The following LAMA2 variants were observed in gnomAD, a reference collection of about 807,000 sequenced individuals.
LAMA2 encodes laminin subunit alpha 2.
In LAMA2, 269 loss-of-function variants were observed where a neutral mutation model predicts 364.8. That is an observed-to-expected ratio of 0.74 (90% CI 0.67 to 0.82). The LOEUF is 0.82. Ranked by LOEUF, LAMA2 falls within the 40% of genes least tolerant of loss-of-function variation. The pLI, the probability that LAMA2 is intolerant of heterozygous loss-of-function variation, is 0.00. For synonymous variants in LAMA2, 1,379 were observed against 1,370.6 expected, an observed-to-expected ratio of 1.01 and a Z score of -0.14; for missense variants, 3,807 against 3,873.2, an observed-to-expected ratio of 0.98 and a Z score of 0.45.
At chr6:128,891,135 T>G (rs116895729) in intron 1 of LAMA2, among the ~76,000 whole-genome samples, 3,645 of 152,188 alleles carry the variant, frequency 0.024, 56 homozygotes, top group Non-Finnish European at 0.032. Flanking sequence ...GGTATTAGAT[T>G]TTGTTTATCA....
chr6:129,115,874 G>A (rs551435298), intron 4 of LAMA2, among the ~76,000 whole-genome samples: 22 of 152,096 alleles, frequency 1.4e-4, no homozygotes, highest in Admixed American at 1.4e-3. Flanking sequence ...ATCCGACTAA[G>A]GTGCAGATGT....
At chr6:129,113,163 T>A (rs1325606528) in intron 4 of LAMA2, among the ~76,000 whole-genome samples, 1 of 152,076 alleles carries the variant, frequency 6.6e-6, no homozygotes, top group Non-Finnish European at 1.5e-5. Flanking sequence ...TTTCCAACAA[T>A]GTTTACATAA....
intron 49 of LAMA2, among the ~76,000 whole-genome samples, chr6:129,462,563 C>A (rs1208050110): frequency 6.6e-6 from 1 of 151,822 alleles, no homozygotes; most frequent in Non-Finnish European, 1.5e-5. Context: ...TGAAATAATC[C>A]TATATTTTTT....
At chr6:129,494,261 G>A (rs576724099) in intron 58 of LAMA2, among the ~76,000 whole-genome samples, 164 of 152,292 alleles carry the variant, frequency 1.1e-3, no homozygotes, top group African/African-American at 3.7e-3. Flanking sequence ...TAGTGTCCAC[G>A]ATGGAATTGG....
intron 32 of LAMA2, among the ~76,000 whole-genome samples, chr6:129,359,343 A>G (rs1194480124): frequency 6.6e-6 from 1 of 150,388 alleles, no homozygotes; most frequent in East Asian, 1.9e-4. Flanking sequence ...TATATAAAAC[A>G]TAAATATCGT....
chr6:129,393,175 C>T lies in LAMA2; in HGVS notation c.5365C>T (p.Leu1789Phe), dbSNP rs769470637. The change falls in exon 37 of 65, where the codon CTT becomes TTT. Residue 1789 changes from leucine to phenylalanine, a missense_variant. Physicochemically the swap from Leu to Phe is conservative, Grantham distance 22. Around this residue, in one of 3 missense-constraint regions of LAMA2, gnomAD observed 3,333 missense variants for 3,345.7 expected, o/e 1.00. Transcript: ENST00000421865. ...AAACAAAGTTGATGATGCTTGGGAC[C>T]TTTTGAGAGAAGCCACAGATAAAAT... ...YKNKVDDAWDLLREATDKIRE... is the reference protein window; with the variant it reads ...YKNKVDDAWDFLREATDKIRE... The T allele has an allele frequency of 6.2e-7, 1 of 1,614,034 alleles. No individual in the cohort carries two copies. The highest frequency in any genetic ancestry group is 8.5e-7 in the Non-Finnish European group (1 of 1,179,938).
At chr6:129,377,031 A>T (rs1778410925) in intron 34 of LAMA2, among the ~76,000 whole-genome samples, 2 of 152,178 alleles carry the variant, frequency 1.3e-5, no homozygotes, top group Non-Finnish European at 2.9e-5. Flanking sequence ...GACAAACCCA[A>T]AATAAACATT....
At position 129,285,724 on chromosome 6, in the gene LAMA2, A is replaced by G. The variant is rs952023767; in HGVS notation, c.2538-2123A>G. Among the ~76,000 whole-genome samples the G allele has an allele frequency of 3.3e-5, 5 of 152,272 alleles. No homozygotes were observed. In the East Asian group the frequency reaches 7.7e-4, roughly 24 times the overall value. ...TAAATAAGACAAGAAGAATCAGGTT[A>G]AAATTCAAAAGAATCTCCTTCTTAT... On this transcript the variant is annotated intron_variant, in intron 18 of 64. Coordinates refer to ENST00000421865, the MANE Select transcript of LAMA2 (RefSeq NM_000426.4).
chr6:129,214,092 G>A lies in LAMA2; in HGVS notation c.1782+21239G>A, dbSNP rs146609182. Among the ~76,000 whole-genome samples, 475 of 152,196 alleles carry A rather than the reference G, an allele frequency of 3.1e-3. 2 individuals carry two copies. Among genetic ancestry groups the A allele is most frequent in the African/African-American group, 0.011 (464 of 41,534 alleles). On this transcript the variant is annotated intron_variant, in intron 12 of 64. Transcript: ENST00000421865. The stretch of plus-strand genomic sequence containing the variant: ...CACAAGTTATCTCAGTCAATTTTCT[G>A]TTGCTATAACAGAATACCTGAGACT...
At chr6:129,276,714 A>G (rs562831835) in intron 17 of LAMA2, among the ~76,000 whole-genome samples, 35 of 152,156 alleles carry the variant, frequency 2.3e-4, no homozygotes, top group African/African-American at 8.4e-4. Context: ...ATGTTGATCC[A>G]CCCTTATCAA....
chr6:128,980,835 G>A (rs936565407), intron 1 of LAMA2, among the ~76,000 whole-genome samples: 12 of 152,064 alleles, frequency 7.9e-5, no homozygotes, highest in African/African-American at 1.9e-4. Context: ...TGATTTTAAC[G>A]TGTATATCTT....
intron 1 of LAMA2, among the ~76,000 whole-genome samples, chr6:128,920,735 G>C (rs895900000): frequency 6.6e-6 from 1 of 150,914 alleles, no homozygotes; most frequent in African/African-American, 2.5e-5. Flanking sequence ...ATGTATATGA[G>C]AGTATGTGTG....
intron 1 of LAMA2, among the ~76,000 whole-genome samples, chr6:129,005,442 A>G (rs1043206244): frequency 6.6e-6 from 1 of 152,014 alleles, no homozygotes; most frequent in African/African-American, 2.4e-5. Flanking sequence ...TTATTATAAA[A>G]TAATATCAAA....
intron 34 of LAMA2, among the ~76,000 whole-genome samples, chr6:129,379,990 A>T (rs796186025): frequency 7.9e-5 from 12 of 152,300 alleles, no homozygotes; most frequent in African/African-American, 2.9e-4. Context: ...TATGCTTGGC[A>T]CTCTGAGGAA....
intron 2 of LAMA2, among the ~76,000 whole-genome samples, chr6:129,054,344 A>G (rs1788315809): frequency 6.6e-6 from 1 of 152,200 alleles, no homozygotes; most frequent in South Asian, 2.1e-4. Flanking sequence ...AAAATTGAAG[A>G]AAAGGTCAGA....
chr6:129,197,583 A>C lies in LAMA2; in HGVS notation c.1782+4730A>C, dbSNP rs571752614. Among the ~76,000 whole-genome samples, 6 of 152,246 alleles carry C rather than the reference A, an allele frequency of 3.9e-5. No homozygotes were observed. In the South Asian group the frequency reaches 1.0e-3, roughly 26 times the overall value. On this transcript the variant is annotated intron_variant, in intron 12 of 64. Coordinates refer to ENST00000421865, the MANE Select transcript of LAMA2 (RefSeq NM_000426.4). ...AACTTTCGTCTCCCTAAAATATATA[A>C]CGCCAAGCTGTAACCCAGTCATCTT...
At chr6:129,417,051 A>G (rs759348015) in intron 40 of LAMA2, among the ~76,000 whole-genome samples, 4 of 152,154 alleles carry the variant, frequency 2.6e-5, no homozygotes, top group Non-Finnish European at 5.9e-5. Context: ...CATAGGTCTC[A>G]GCTCCCCAAA....
chr6:129,179,055 C>A (rs1446276057), intron 10 of LAMA2, among the ~76,000 whole-genome samples: 2 of 152,000 alleles, frequency 1.3e-5, no homozygotes, highest in South Asian at 4.1e-4. Context: ...TATTACATTT[C>A]ATTCCAATAT....
chr6:129,028,423 A>AT (rs2114728651), intron 1 of LAMA2, among the ~76,000 whole-genome samples: 1 of 151,932 alleles, frequency 6.6e-6, no homozygotes, highest in East Asian at 1.9e-4. Flanking sequence ...GATGATAAAT[A>AT]TTATTATGAG....
Sources: gnomAD v4.1 joint callset for allele counts (sites outside exome capture counted in the v4.1 genomes callset) on GRCh38, gnomAD v4.1.1 for gene constraint, gnomAD v4.1.1 regional missense constraint, MANE v1.5 for transcripts, NCBI Gene and HGNC (gene_info 2026-07-23, HGNC 2026-07-21) for gene names.